Variants in PBRM1 observed in about 807,000 individuals in gnomAD.
PBRM1 encodes protein polybromo-1.
In PBRM1, 27 loss-of-function variants were observed where a neutral mutation model predicts 194.5. The ratio of observed to expected loss-of-function variants is 0.14; its 90% CI spans 0.10 to 0.19. PBRM1 has a LOEUF of 0.19. PBRM1 is among the 10% of genes least tolerant of loss of function. The probability of loss-of-function intolerance (pLI) is 1.00; values close to 1 mark genes in which losing one functional copy is unlikely to be tolerated. For synonymous variants in PBRM1, 655 were observed against 693.2 expected (o/e 0.94, Z 0.87); for missense variants, 1,466 against 2,077.2 (o/e 0.71, Z 5.72).
At chr3:52,548,428 A>C (rs1018492110) in intron 29 of PBRM1, among the ~76,000 whole-genome samples, 193 bp from the exon 32 acceptor site, 1 of 151,352 alleles carries the variant, frequency 6.6e-6, no homozygotes, top group Admixed American at 6.6e-5. Flanking sequence ...TTTGATCATA[A>C]ATTTTTTTTT....
chr3:52,683,128 G>A (rs896953101), upstream of PBRM1, among the ~76,000 whole-genome samples: 4 of 151,796 alleles, frequency 2.6e-5, no homozygotes, highest in Non-Finnish European at 4.4e-5. Context: ...GCTTGAACCC[G>A]GGAGGCGGAG....
intron 10 of PBRM1, 64 bp downstream of exon 11, chr3:52,641,890 C>T (rs2096101692): frequency 1.0e-6 from 1 of 986,458 alleles, no homozygotes; most frequent in African/African-American, 1.6e-5. Context: ...AAAATCACTG[C>T]AATTTCATTT....
chr3:52,606,786 C>G (rs1453443705), intron 16 of PBRM1, among the ~76,000 whole-genome samples: 1 of 152,218 alleles, frequency 6.6e-6, no homozygotes, highest in African/African-American at 2.4e-5. Flanking sequence ...TCTCTTTTAC[C>G]TGCAAGGGGA....
chr3:52,580,452 G>C (rs964993349), intron 20 of PBRM1, among the ~76,000 whole-genome samples: 12 of 151,932 alleles, frequency 7.9e-5, no homozygotes, highest in African/African-American at 2.9e-4. Flanking sequence ...TCCGCCTCCC[G>C]GGTTCACGCC....
chr3:52,554,809 G>C (rs767131638), exon 27 of PBRM1: 5 of 1,596,916 alleles, frequency 3.1e-6, no homozygotes, highest in Non-Finnish European at 4.3e-6. Context: ...GCTGCATGCT[G>C]CCCATGCTAA....
At chr3:52,587,609 T>A in intron 18 of PBRM1, 99 bp from the exon 21 acceptor site, 1 of 915,238 alleles carries the variant, frequency 1.1e-6, no homozygotes, top group Non-Finnish European at 1.6e-6. Flanking sequence ...TGGGTCTCAC[T>A]ACGTTGCCCA....
chr3:52,562,310 G>A (rs2083793024), intron 24 of PBRM1, among the ~76,000 whole-genome samples: 1 of 136,018 alleles, frequency 7.4e-6, no homozygotes, highest in Admixed American at 7.7e-5. Flanking sequence ...CTGGGCGACA[G>A]AGCAAGACTC....
chr3:52,616,618 G>A (rs951927339), intron 14 of PBRM1, among the ~76,000 whole-genome samples: 3 of 152,176 alleles, frequency 2.0e-5, no homozygotes, highest in Admixed American at 6.5e-5. Flanking sequence ...GCATGAACCC[G>A]GGAGGCGGAG....
intron 13 of PBRM1, among the ~76,000 whole-genome samples, chr3:52,625,694 C>T (rs1371027732): frequency 1.3e-5 from 2 of 151,940 alleles, no homozygotes; most frequent in Non-Finnish European, 2.9e-5. Flanking sequence ...CCTGCCTCAG[C>T]CTCCCGAGTA....
chr3:52,659,689 T>C (rs571908462), intron 4 of PBRM1, among the ~76,000 whole-genome samples: 1 of 152,276 alleles, frequency 6.6e-6, no homozygotes, highest in Non-Finnish European at 1.5e-5. Context: ...TCCTAAAGTG[T>C]TGGGATTGCA....
At chr3:52,602,835 A>G (rs1259355142) in intron 17 of PBRM1, among the ~76,000 whole-genome samples, 2 of 152,184 alleles carry the variant, frequency 1.3e-5, no homozygotes, top group South Asian at 2.1e-4. Context: ...GCCATCGCTT[A>G]TAAGAATTTG....
upstream of PBRM1, chr3:52,681,578 T>C (rs1257710096): frequency 4.6e-6 from 1 of 219,734 alleles, no homozygotes; most frequent in East Asian, 1.3e-4. Context: ...ACAAGTGAAT[T>C]TGATGAACAT....
Position 52,626,451 on chromosome 3 carries a change from A to T in PBRM1, c.1541+822T>A, listed in dbSNP as rs138148684. Reference sequence around the variant, plus strand: ...TGTGTCAACAGTTACTAAAGACTTCATTCAACTTTGAATCTGCCAAGCCTT... The same window carrying T: ...TGTGTCAACAGTTACTAAAGACTTCTTTCAACTTTGAATCTGCCAAGCCTT... On this transcript the variant is annotated intron_variant, in intron 13 of 29. Transcript: ENST00000296302. Among the ~76,000 whole-genome samples the T allele has an allele frequency of 1.3e-4, 20 of 152,354 alleles. No individual in the cohort carries two copies. The East Asian group carries it at 3.7e-3, about 28-fold the overall frequency.
intron 22 of PBRM1, among the ~76,000 whole-genome samples, chr3:52,566,914 C>T (rs2085401638): frequency 1.3e-5 from 2 of 151,928 alleles, no homozygotes; most frequent in Admixed American, 1.3e-4. Context: ...ACTAAAAATA[C>T]AAAAATTAGC....
Position 52,550,653 on chromosome 3 carries a change from A to G in PBRM1, c.4681-16T>C. On this transcript the variant is annotated splice_polypyrimidine_tract_variant and intron_variant, in intron 28 of 29. Coordinates refer to ENST00000296302, the Ensembl canonical transcript of PBRM1. ...AAACTCCCACCTGAAAGAGCACAGG[A>G]CCACATGGTGAGGCAAAAAGAGACT... 1.9e-6 allele frequency: 3 copies of G among 1,561,806 alleles called. No homozygotes were observed. Among genetic ancestry groups the G allele is most frequent in the Non-Finnish European group, 2.6e-6 (3 of 1,152,390 alleles).
chr3:52,563,671 C>A (rs1469843657), intron 23 of PBRM1, among the ~76,000 whole-genome samples, 178 bp from the exon 26 acceptor site: 1 of 150,944 alleles, frequency 6.6e-6, no homozygotes, highest in Non-Finnish European at 1.5e-5. Context: ...CTTAGAGATG[C>A]TTGTTTTTAA....
intron 2 of PBRM1, among the ~76,000 whole-genome samples, chr3:52,677,068 T>C (rs748326182): frequency 1.2e-4 from 18 of 152,186 alleles, no homozygotes; most frequent in Non-Finnish European, 1.8e-4. Flanking sequence ...TTTGGAAAAT[T>C]TGCAGCCTAG....
chr3:52,550,908 T>G (rs1240760991), intron 27 of PBRM1, 91 bp from the exon 30 acceptor site: 4 of 814,494 alleles, frequency 4.9e-6, no homozygotes, highest in Non-Finnish European at 8.3e-6. Context: ...CCATTCATAA[T>G]TCAAACCTAT....
chr3:52,586,581 G>A (rs759528403), exon 20 of PBRM1: 2 of 1,613,948 alleles, frequency 1.2e-6, no homozygotes, highest in East Asian at 4.5e-5. Flanking sequence ...TGATGGGCAT[G>A]GTCCACAGTT....
Sources: allele counts gnomAD v4.1 joint callset (sites outside exome capture counted in the v4.1 genomes callset), GRCh38; gene constraint gnomAD v4.1.1; transcripts MANE v1.5; gene names NCBI Gene and HGNC (gene_info 2026-07-23, HGNC 2026-07-21).